The following COL26A1 variants were observed in gnomAD, a reference collection of about 807,000 sequenced individuals.
COL26A1 encodes collagen alpha-1(XXVI) chain.
Under a neutral mutation model 59.3 loss-of-function variants are expected in COL26A1, and 41 were observed. The ratio of observed to expected loss-of-function variants is 0.69; its 90% CI spans 0.54 to 0.90. The LOEUF (loss-of-function observed/expected upper bound fraction) is 0.90, where lower values mean the gene tolerates loss of function less well. COL26A1 is among the 40% of genes least tolerant of loss of function. The pLI is 0.00. For missense variants in COL26A1, 612 were observed against 602.3 expected (o/e 1.02, Z -0.17); for synonymous variants, 266 against 256.0 (o/e 1.04, Z -0.37).
At chr7:101,407,313 G>T (rs542942696) in intron 1 of COL26A1, among the ~76,000 whole-genome samples, 30 of 152,214 alleles carry the variant, frequency 2.0e-4, no homozygotes, top group African/African-American at 7.0e-4. Context: ...ATGGCCCTCC[G>T]CTTGTCTCTG....
In COL26A1 at chr7:101,487,542, G is replaced by C. The variant is rs145096180; in HGVS notation, c.385+39755G>C. ...TTGGCTCCTTCTAGGGCACACTCGA[G>C]GGGCCCCATCTCTCTCAAGAGAAGG... is the stretch of plus-strand genomic sequence containing the variant. On this transcript the variant is annotated intron_variant, in intron 3 of 12. Transcript: ENST00000313669. 2.8e-3 allele frequency among the ~76,000 whole-genome samples: 420 copies of C among 152,188 alleles called. 3 individuals carry two copies. The highest frequency in any genetic ancestry group is 9.4e-3 in the African/African-American group (390 of 41,526).
intron 3 of COL26A1, among the ~76,000 whole-genome samples, chr7:101,471,745 C>T (rs531222659): frequency 6.6e-6 from 1 of 151,632 alleles, no homozygotes; most frequent in East Asian, 2.0e-4. Context: ...GTGCCTGGCT[C>T]ATTTTTGTAT....
intron 1 of COL26A1, among the ~76,000 whole-genome samples, chr7:101,381,569 T>C (rs1271956717): frequency 6.6e-6 from 1 of 152,140 alleles, no homozygotes; most frequent in Non-Finnish European, 1.5e-5. Context: ...GCAAAGGCTG[T>C]GTCATTTTAT....
chr7:101,532,964 G>A, intron 3 of COL26A1, 118 bp from the exon 4 acceptor site: 1 of 748,776 alleles, frequency 1.3e-6, no homozygotes, highest in Admixed American at 2.1e-5. Flanking sequence ...AGTTTTCCAG[G>A]CAAAATGACT....
At chr7:101,370,031 T>A (rs1247443367) in intron 1 of COL26A1, among the ~76,000 whole-genome samples, 1 of 151,834 alleles carries the variant, frequency 6.6e-6, no homozygotes, top group African/African-American at 2.4e-5. Flanking sequence ...CCTGGCTAAT[T>A]TTGTATTTTT....
intron 9 of COL26A1, among the ~76,000 whole-genome samples, chr7:101,550,828 C>T (rs780524097): frequency 2.2e-4 from 28 of 130,228 alleles, no homozygotes; most frequent in Non-Finnish European, 3.9e-4. Flanking sequence ...CACCGGACCA[C>T]CTGCTCCCCT....
chr7:101,392,063 A>G (rs369119099), intron 1 of COL26A1, among the ~76,000 whole-genome samples: 242 of 152,152 alleles, frequency 1.6e-3, no homozygotes, highest in African/African-American at 5.5e-3. Flanking sequence ...GTGTTCTTCG[A>G]GGCAGGGAAG....
chr7:101,391,689 G>C (rs1221262852), intron 1 of COL26A1, among the ~76,000 whole-genome samples: 3 of 152,062 alleles, frequency 2.0e-5, no homozygotes, highest in Non-Finnish European at 2.9e-5. Context: ...CGAGTAGCTG[G>C]GACTACAGGC....
At chr7:101,475,216 C>G (rs1269173540) in intron 3 of COL26A1, among the ~76,000 whole-genome samples, 1 of 151,940 alleles carries the variant, frequency 6.6e-6, no homozygotes, top group African/African-American at 2.4e-5. Flanking sequence ...GGTATGACCT[C>G]ATCATAACAA....
intron 3 of COL26A1, among the ~76,000 whole-genome samples, chr7:101,499,089 C>T (rs765597484): frequency 2.0e-5 from 3 of 152,172 alleles, no homozygotes; most frequent in Non-Finnish European, 2.9e-5. Context: ...TAGCCCATCC[C>T]GGGAAGGTCG....
At chr7:101,383,849 T>C (rs960059890) in intron 1 of COL26A1, among the ~76,000 whole-genome samples, 2 of 152,174 alleles carry the variant, frequency 1.3e-5, no homozygotes, top group Admixed American at 6.5e-5. Flanking sequence ...TTTGTATTTT[T>C]AGTAGAGATG....
chr7:101,397,541 T>G (rs965048237), intron 1 of COL26A1, among the ~76,000 whole-genome samples: 1 of 84,190 alleles, frequency 1.2e-5, no homozygotes. Flanking sequence ...TCCCCCCCCC[T>G]CCTTTTTTTT....
intron 1 of COL26A1, among the ~76,000 whole-genome samples, chr7:101,391,308 A>G (rs1791723276): frequency 6.6e-6 from 1 of 151,498 alleles, no homozygotes; most frequent in African/African-American, 2.4e-5. Flanking sequence ...CCGGGATTCT[A>G]TTTTTTTTAT....
At chr7:101,438,904 G>A (rs917811172) in intron 2 of COL26A1, among the ~76,000 whole-genome samples, 2 of 143,674 alleles carry the variant, frequency 1.4e-5, no homozygotes, top group Non-Finnish European at 3.2e-5. Context: ...GGCTGGTCTC[G>A]AACTCCAAGA....
chr7:101,489,886 C>T (rs1259717152), intron 3 of COL26A1, among the ~76,000 whole-genome samples: 5 of 74,546 alleles, frequency 6.7e-5, no homozygotes, highest in Admixed American at 5.6e-4. Context: ...TTCTTTCTTT[C>T]TTTCTTTCTT....
intron 3 of COL26A1, among the ~76,000 whole-genome samples, chr7:101,473,790 G>A (rs539810265): frequency 1.3e-5 from 2 of 152,162 alleles, no homozygotes; most frequent in African/African-American, 4.8e-5. Flanking sequence ...GGAGGTTGAG[G>A]CTGCAGTGAA....
In COL26A1 at chr7:101,557,865, T is replaced by C. The variant is rs1037770534; in HGVS notation, c.*335T>C. The C allele has an allele frequency of 8.0e-5, 18 of 224,514 alleles. No homozygotes were observed. Among genetic ancestry groups the C allele is most frequent in the Non-Finnish European group, 1.2e-4 (14 of 114,720 alleles). The allele number at this position is 224,514 out of a possible 1,614,324, so 13.9% of individuals were successfully genotyped here. ...GTAACTGGCCCTGTCCAGGGAACTT[T>C]CGTTACGTTGTCTCATTATTTAACC... On this transcript the variant is annotated 3_prime_UTR_variant, in exon 13 of 13. Coordinates refer to ENST00000313669, the MANE Select transcript of COL26A1 (RefSeq NM_001278563.3).
chr7:101,437,015 A>C (rs1792932385), intron 2 of COL26A1, among the ~76,000 whole-genome samples: 1 of 152,114 alleles, frequency 6.6e-6, no homozygotes, highest in Admixed American at 6.6e-5. Context: ...CCAGACTGAG[A>C]CTGCATCCAG....
chr7:101,524,973 A>G (rs924892673), intron 3 of COL26A1, among the ~76,000 whole-genome samples: 6 of 152,318 alleles, frequency 3.9e-5, no homozygotes, highest in African/African-American at 1.2e-4. Context: ...CCAGGGTTAT[A>G]GACAGACTTT....
Sources: allele counts gnomAD v4.1 joint callset (sites outside exome capture counted in the v4.1 genomes callset), GRCh38; gene constraint gnomAD v4.1.1; transcripts MANE v1.5; gene names NCBI Gene and HGNC (gene_info 2026-07-23, HGNC 2026-07-21).